SGCD: variants seen among roughly 807,000 people sequenced by gnomAD.
SGCD encodes delta-sarcoglycan.
SGCD carries 18 observed loss-of-function variants against 36.6 expected under a neutral mutation model. The ratio of observed to expected loss-of-function variants is 0.49; its 90% CI spans 0.34 to 0.73. SGCD has a LOEUF of 0.73. Among genes scored for constraint, SGCD ranks in the 30% least tolerant of loss-of-function variants. The pLI, the probability that SGCD is intolerant of heterozygous loss-of-function variation, is 0.01. For missense variants in SGCD, 387 were observed against 346.7 expected, an observed-to-expected ratio of 1.12 and a Z score of -0.92; for synonymous variants, 133 against 130.6, an observed-to-expected ratio of 1.02 and a Z score of -0.12.
At chr5:156,254,868 A>ATT (rs575738863) in intron 3 of SGCD, among the ~76,000 whole-genome samples, 1 of 150,864 alleles carries the variant, frequency 6.6e-6, no homozygotes, top group African/African-American at 2.4e-5. Context: ...AATAAATCTC[A>ATT]TTTTTTTTTG....
chr5:156,570,600 C>G (rs1759679923), intron 4 of SGCD, among the ~76,000 whole-genome samples: 1 of 152,216 alleles, frequency 6.6e-6, no homozygotes, highest in South Asian at 2.1e-4. Flanking sequence ...GCCTTAAATA[C>G]TGTTTTGTCT....
At chr5:156,302,502 G>T (rs569910257) in intron 3 of SGCD, among the ~76,000 whole-genome samples, 2 of 152,200 alleles carry the variant, frequency 1.3e-5, no homozygotes, top group East Asian at 3.9e-4. Context: ...CTCACTCCTA[G>T]ATTGGCCCAC....
In SGCD at chr5:155,975,609, C is replaced by CCT. The variant is rs1758096365; in HGVS notation, c.-282+105185_-282+105186insCT. ...TGTGTTATTTATTTTTCTTTCTTTC[C>CCT]TTTTTTTTTTTTTTTTTTTTTTTTT... On this transcript the variant is annotated intron_variant, in intron 1 of 9. Transcript: ENST00000517913. Among the ~76,000 whole-genome samples, 207 of 28,022 alleles carry CCT rather than the reference C, an allele frequency of 7.4e-3. 14 individuals carry two copies. Among genetic ancestry groups the CCT allele is most frequent in the Admixed American group, 8.3e-3 (14 of 1,688 alleles). 18.4% of individuals were successfully genotyped at this position (28,022 alleles called of 152,430 possible).
intron 1 of SGCD, among the ~76,000 whole-genome samples, chr5:155,936,046 C>T (rs1035535383): frequency 5.3e-5 from 8 of 152,140 alleles, no homozygotes; most frequent in Non-Finnish European, 1.0e-4. Flanking sequence ...TGCTGTGGCG[C>T]CTGGAAGCTT....
At chr5:155,830,338 C>T in the SGCD span, among the ~76,000 whole-genome samples, 1 of 102,534 alleles carries the variant, frequency 9.8e-6, no homozygotes, top group Non-Finnish European at 1.8e-5. Context: ...TGTATACACT[C>T]GTGGTGTCTC....
rs1276393470 is a variant in SGCD at position 156,423,388 on chromosome 5, A to G, written c.192+78711A>G. Among the ~76,000 whole-genome samples the G allele has an allele frequency of 5.9e-5, 5 of 85,284 alleles. No individual in the cohort carries two copies. The South Asian group carries it at 1.9e-3, about 33-fold the overall frequency. The allele number at this position is 85,284 out of a possible 152,430, so 55.9% of individuals were successfully genotyped here. A position where few individuals can be genotyped will look rare whatever the true frequency, so the allele number is the denominator to read the frequency against. On this transcript the variant is annotated intron_variant, in intron 3 of 8. Coordinates refer to ENST00000337851, the MANE Select transcript of SGCD (RefSeq NM_000337.6). ...ATATTATATTTTATTATAATATAAT[A>G]TATTATATTTTATTATAATATAATA...
intron 7 of SGCD, among the ~76,000 whole-genome samples, chr5:156,740,139 C>A (rs983561704): frequency 3.2e-4 from 48 of 152,094 alleles, no homozygotes; most frequent in African/African-American, 1.2e-3. Context: ...ACTAATTGGA[C>A]CATGGAGTTG....
At chr5:156,492,337 G>A (rs1168604606) in intron 3 of SGCD, among the ~76,000 whole-genome samples, 1 of 152,010 alleles carries the variant, frequency 6.6e-6, no homozygotes, top group African/African-American at 2.4e-5. Flanking sequence ...CATGTGGTTA[G>A]GGAGGCTGAC....
chr5:156,363,804 T>G (rs541739719), intron 3 of SGCD, among the ~76,000 whole-genome samples: 20 of 152,334 alleles, frequency 1.3e-4, no homozygotes, highest in African/African-American at 4.3e-4. Flanking sequence ...ATTGATTAAT[T>G]TTGTCTTTTT....
the SGCD span, among the ~76,000 whole-genome samples, chr5:155,775,616 T>TA: frequency 7.2e-5 from 11 of 151,886 alleles, no homozygotes; most frequent in East Asian, 1.9e-3. Context: ...AGATGCCCAT[T>TA]AAAAAAAAGA....
intron 1 of SGCD, among the ~76,000 whole-genome samples, chr5:155,882,320 C>T (rs1755903808): frequency 6.6e-6 from 1 of 152,054 alleles, no homozygotes. Context: ...CTCAAGGGAT[C>T]CACCTGCCTT....
chr5:156,344,594 T>A lies in SGCD; in HGVS notation c.109T>A (p.Phe37Ile). 1 of 1,612,650 alleles carries A rather than the reference T, an allele frequency of 6.2e-7. No homozygotes were observed. Among genetic ancestry groups the A allele is most frequent in the Non-Finnish European group, 8.5e-7 (1 of 1,179,252 alleles). ...TGGCTGGCGGAAACGATGCCTGTAT[T>A]TCTTTGTCCTGCTCCTCATGATTTT... ...IYGWRKRCLY[F>I]FVLLLMILIL... Residue 37 changes from phenylalanine to isoleucine, a missense_variant, in exon 3 of 9, where the codon TTC becomes ATC. By Grantham distance (21) the Phe-to-Ile change is conservative. Transcript: ENST00000337851.
chr5:156,376,654 T>A lies in SGCD; in HGVS notation c.192+31977T>A, dbSNP rs75632388. 6.3e-3 allele frequency among the ~76,000 whole-genome samples: 959 copies of A among 151,910 alleles called. 17 individuals are homozygous for A. Among genetic ancestry groups the A allele is most frequent in the African/African-American group, 0.022 (909 of 41,398 alleles). On this transcript the variant is annotated intron_variant, in intron 3 of 8. Coordinates refer to ENST00000337851, the MANE Select transcript of SGCD (RefSeq NM_000337.6). Reference sequence around the variant, plus strand: ...ATAAAATGGTTTATGTGCATCAGATTTTTTTTTATTGGTTACTAATCAAGT... The same window carrying A: ...ATAAAATGGTTTATGTGCATCAGATATTTTTTTATTGGTTACTAATCAAGT...
chr5:156,575,602 T>C (rs1048706783), intron 4 of SGCD, among the ~76,000 whole-genome samples: 8 of 152,202 alleles, frequency 5.3e-5, no homozygotes, highest in Admixed American at 6.5e-5. Context: ...ACAAGTTCTA[T>C]TGAGAGTCCA....
chr5:156,268,009 C>T (rs1387067988), intron 3 of SGCD, among the ~76,000 whole-genome samples: 2 of 152,096 alleles, frequency 1.3e-5, no homozygotes, highest in African/African-American at 2.4e-5. Context: ...TCACGTAGAC[C>T]CCAGTGTCTG....
the SGCD span, among the ~76,000 whole-genome samples, chr5:155,748,602 G>T: frequency 6.6e-6 from 1 of 152,088 alleles, no homozygotes; most frequent in African/African-American, 2.4e-5. Flanking sequence ...CCAAAACAGG[G>T]AAATGGATTT....
intron 1 of SGCD, among the ~76,000 whole-genome samples, chr5:155,910,002 G>A (rs1007496172): frequency 6.6e-6 from 1 of 152,042 alleles, no homozygotes; most frequent in African/African-American, 2.4e-5. Flanking sequence ...ATGATATCTT[G>A]TAGGCTCATT....
intron 3 of SGCD, among the ~76,000 whole-genome samples, chr5:156,476,179 T>C (rs1189385422): frequency 6.6e-6 from 1 of 152,166 alleles, no homozygotes; most frequent in Admixed American, 6.5e-5. Flanking sequence ...TATAGGAGAA[T>C]AGCATGGAGA....
At chr5:155,754,203 G>A in the SGCD span, among the ~76,000 whole-genome samples, 1 of 152,166 alleles carries the variant, frequency 6.6e-6, no homozygotes. Flanking sequence ...ATCTTCTGTT[G>A]CCTGATATAT....
Sources: gnomAD v4.1 joint callset for allele counts (sites outside exome capture counted in the v4.1 genomes callset) on GRCh38, gnomAD v4.1.1 for gene constraint, MANE v1.5 for transcripts, NCBI Gene and HGNC (gene_info 2026-07-23, HGNC 2026-07-21) for gene names.